CADM1: variants seen among roughly 807,000 people sequenced by gnomAD.
The protein encoded by CADM1 is TSLC-1.
CADM1 carries 15 observed loss-of-function variants against 53.1 expected under a neutral mutation model. The ratio of observed to expected loss-of-function variants is 0.28; its 90% confidence interval spans 0.19 to 0.44. CADM1 has a LOEUF of 0.44. CADM1 is among the 20% of genes least tolerant of loss of function. CADM1 has a pLI of 1.00. For synonymous variants in CADM1, 281 were observed against 243.0 expected (o/e 1.16, Z -1.45); for missense variants, 434 against 611.3 (o/e 0.71, Z 3.06).
chr11:115,412,015 A>G lies in CADM1; in HGVS notation c.124+92256T>C, dbSNP rs80356050. ...GACTTCAAGATTTTTTTTTACACAT[A>G]AAGCTTGAAAATATGCTAGTTCACT... On this transcript the variant is annotated intron_variant, in intron 1 of 11. Transcript: ENST00000331581. Among the ~76,000 whole-genome samples the G allele has an allele frequency of 3.5e-4, 53 of 152,254 alleles. No individual in the cohort carries two copies. In the East Asian group the frequency reaches 5.8e-3, roughly 17 times the overall value.
chr11:115,267,389 A>G (rs1417445658), intron 1 of CADM1, among the ~76,000 whole-genome samples: 1 of 152,196 alleles, frequency 6.6e-6, no homozygotes, highest in Non-Finnish European at 1.5e-5. Context: ...CTTCATTTTT[A>G]GCAGCCGTAT....
At chr11:115,407,873 TAAAAAAAAAAAAAAAAAAAAAA>T (rs148209064) in intron 1 of CADM1, among the ~76,000 whole-genome samples, 4 of 31,720 alleles carry the variant, frequency 1.3e-4, no homozygotes, top group African/African-American at 5.9e-4. Context: ...CCCTGTCATT[TAAAAAAAAAAAAAAAAAAAAAA>T]AAAAAAAAAA....
chr11:115,394,288 T>C (rs1946930232), intron 1 of CADM1, among the ~76,000 whole-genome samples: 2 of 152,202 alleles, frequency 1.3e-5, no homozygotes, highest in Admixed American at 1.3e-4. Context: ...GAAGGAAAAG[T>C]AAGAAAATTC....
rs148806973 is a variant in CADM1, at chr11:115,269,044, G to A, written c.125-28624C>T. Reference sequence around the variant, plus strand: ...GGCTTTTTGGATCCCATAGTTCGAAGTATTTCTCTCCTCGGCCATAGCTTC... The same window carrying A: ...GGCTTTTTGGATCCCATAGTTCGAAATATTTCTCTCCTCGGCCATAGCTTC... On this transcript the variant is annotated intron_variant, in intron 1 of 11. Coordinates refer to ENST00000331581, the MANE Select transcript of CADM1 (RefSeq NM_001301043.2). 2.8e-3 allele frequency among the ~76,000 whole-genome samples: 422 copies of A among 152,224 alleles called. 2 individuals carry two copies. Among genetic ancestry groups the A allele is most frequent in the African/African-American group, 9.0e-3 (373 of 41,536 alleles).
chr11:115,391,101 T>C (rs1946825574), intron 1 of CADM1, among the ~76,000 whole-genome samples: 1 of 152,182 alleles, frequency 6.6e-6, no homozygotes. Context: ...GAATCAACAA[T>C]TGTCTCCTAA....
intron 1 of CADM1, among the ~76,000 whole-genome samples, chr11:115,272,879 C>A (rs184017090): frequency 1.1e-4 from 16 of 151,552 alleles, no homozygotes; most frequent in Admixed American, 9.2e-4. Context: ...TGCACATGTA[C>A]CCTAAAACTT....
chr11:115,287,085 C>T (rs374624025), intron 1 of CADM1, among the ~76,000 whole-genome samples: 1 of 152,304 alleles, frequency 6.6e-6, no homozygotes, highest in African/African-American at 2.4e-5. Flanking sequence ...CCTTTCTTTT[C>T]TGTTTAGATT....
chr11:115,336,898 T>C (rs774270969), intron 1 of CADM1, among the ~76,000 whole-genome samples: 10 of 152,184 alleles, frequency 6.6e-5, no homozygotes, highest in Admixed American at 3.3e-4. Context: ...TTATTATTAG[T>C]AACCGTTAAG....
intron 1 of CADM1, among the ~76,000 whole-genome samples, chr11:115,284,814 A>C (rs928756122): frequency 6.6e-6 from 1 of 152,212 alleles, no homozygotes; most frequent in Non-Finnish European, 1.5e-5. Context: ...GTTTAGTTAA[A>C]TAACTAATGT....
At chr11:115,371,637 G>A (rs546236821) in intron 1 of CADM1, among the ~76,000 whole-genome samples, 8 of 138,358 alleles carry the variant, frequency 5.8e-5, no homozygotes, top group African/African-American at 2.1e-4. Context: ...TGTCAGACTG[G>A]ATTTTTTTTT....
chr11:115,455,340 A>G (rs2135359583), intron 1 of CADM1, among the ~76,000 whole-genome samples: 1 of 152,216 alleles, frequency 6.6e-6, no homozygotes, highest in Middle Eastern at 3.4e-3. Context: ...AAAAGAAAAA[A>G]AAGTGGAGGG....
At chr11:115,449,863 T>G (rs2135345998) in intron 1 of CADM1, among the ~76,000 whole-genome samples, 1 of 152,328 alleles carries the variant, frequency 6.6e-6, no homozygotes, top group Non-Finnish European at 1.5e-5. Flanking sequence ...CACACATCCC[T>G]TAAGTATGCA....
intron 1 of CADM1, among the ~76,000 whole-genome samples, chr11:115,291,857 T>C (rs1448829883): frequency 6.6e-6 from 1 of 152,266 alleles, no homozygotes; most frequent in Non-Finnish European, 1.5e-5. Flanking sequence ...TAAAAATGAA[T>C]ATTTAATTGC....
intron 1 of CADM1, among the ~76,000 whole-genome samples, chr11:115,331,656 C>G (rs1377411219): frequency 6.6e-6 from 1 of 151,936 alleles, no homozygotes; most frequent in African/African-American, 2.4e-5. Flanking sequence ...TCACACAGTC[C>G]AGTTCCTAAC....
intron 1 of CADM1, among the ~76,000 whole-genome samples, chr11:115,440,208 AATAC>A (rs1948278561): frequency 6.6e-6 from 1 of 152,242 alleles, no homozygotes; most frequent in Non-Finnish European, 1.5e-5. Context: ...TTTGGCTCAG[AATAC>A]ATAATCACTG....
At chr11:115,277,186 T>C (rs946009319) in intron 1 of CADM1, among the ~76,000 whole-genome samples, 1 of 152,220 alleles carries the variant, frequency 6.6e-6, no homozygotes, top group Admixed American at 6.5e-5. Flanking sequence ...AGTTTCTGTT[T>C]TGTTTTGCCT....
intron 1 of CADM1, among the ~76,000 whole-genome samples, chr11:115,465,578 C>T (rs1479877643): frequency 1.3e-5 from 2 of 152,124 alleles, no homozygotes; most frequent in Non-Finnish European, 2.9e-5. Context: ...TAAAGATAGT[C>T]CCATGACCTC....
chr11:115,388,387 T>C (rs1488968761), intron 1 of CADM1, among the ~76,000 whole-genome samples: 1 of 152,138 alleles, frequency 6.6e-6, no homozygotes, highest in Non-Finnish European at 1.5e-5. Context: ...GCAAGGATCA[T>C]CAATAGATGT....
intron 1 of CADM1, among the ~76,000 whole-genome samples, chr11:115,419,447 CCT>C (rs1947699105): frequency 6.6e-6 from 1 of 152,180 alleles, no homozygotes; most frequent in Admixed American, 6.5e-5. Context: ...ATGCCCCTCC[CCT>C]GCCTTTAAGA....
Sources: allele counts gnomAD v4.1 joint callset (sites outside exome capture counted in the v4.1 genomes callset), GRCh38; gene constraint gnomAD v4.1.1; transcripts MANE v1.5; gene names NCBI Gene and HGNC (gene_info 2026-07-23, HGNC 2026-07-21).